Variants in TMEM132B observed in about 807,000 individuals in gnomAD.
The protein encoded by TMEM132B is transmembrane protein 132B.
In TMEM132B, 18 loss-of-function variants were observed where a neutral mutation model predicts 90.8. That is an observed-to-expected ratio of 0.20 (90% CI 0.14 to 0.29). The LOEUF is 0.29. Ranked by LOEUF, TMEM132B falls within the 10% of genes least tolerant of loss-of-function variation. The pLI, the probability that TMEM132B is intolerant of heterozygous loss-of-function variation, is 1.00. For missense variants in TMEM132B, 1,096 were observed against 1,326.8 expected (o/e 0.83, Z 2.70); for synonymous variants, 504 against 523.3 (o/e 0.96, Z 0.50).
At chr12:125,303,224 A>G (rs1875876191) in intron 1 of TMEM132B, among the ~76,000 whole-genome samples, 1 of 152,280 alleles carries the variant, frequency 6.6e-6, no homozygotes, top group Admixed American at 6.5e-5. Flanking sequence ...TAGATATTTC[A>G]TATGTAAGTG....
intron 3 of TMEM132B, among the ~76,000 whole-genome samples, chr12:125,425,731 C>G (rs1593139862): frequency 6.6e-6 from 1 of 152,180 alleles, no homozygotes; most frequent in East Asian, 1.9e-4. Flanking sequence ...GCTTCTTTCA[C>G]TTGGCAATAT....
chr12:125,489,325 T>C (rs1209403490), intron 3 of TMEM132B, among the ~76,000 whole-genome samples: 1 of 152,156 alleles, frequency 6.6e-6, no homozygotes, highest in Non-Finnish European at 1.5e-5. Flanking sequence ...AACTCACATA[T>C]AGCAAAAACC....
At chr12:125,203,311 T>C (rs1475137227) in intron 1 of TMEM132B, among the ~76,000 whole-genome samples, 2 of 152,160 alleles carry the variant, frequency 1.3e-5, no homozygotes, top group African/African-American at 4.8e-5. Context: ...GTTGGAAAGC[T>C]GAATGTCAAA....
intron 1 of TMEM132B, among the ~76,000 whole-genome samples, chr12:125,219,635 C>G (rs966755994): frequency 6.6e-6 from 1 of 152,220 alleles, no homozygotes; most frequent in African/African-American, 2.4e-5. Flanking sequence ...GGCTGCCCAT[C>G]TCCTTCCATC....
chr12:125,343,027 G>A (rs575206618), intron 1 of TMEM132B, among the ~76,000 whole-genome samples: 36 of 152,242 alleles, frequency 2.4e-4, no homozygotes, highest in African/African-American at 7.5e-4. Flanking sequence ...AAATGCTGAG[G>A]TGTGGAAGGG....
intron 1 of TMEM132B, among the ~76,000 whole-genome samples, chr12:125,194,277 G>C (rs573087043): frequency 5.5e-4 from 84 of 152,028 alleles, no homozygotes; most frequent in African/African-American, 1.8e-3. Flanking sequence ...TTGGTGGGGG[G>C]GTCTTACTCA....
intron 5 of TMEM132B, chr12:125,588,455 A>T (rs1885230763): frequency 6.6e-6 from 1 of 152,060 alleles, no homozygotes; most frequent in Admixed American, 6.6e-5. Context: ...TCAGCCTCCC[A>T]AGCAGCTGGG....
At position 125,404,275 on chromosome 12, in the gene TMEM132B, A is replaced by G. The variant is rs543584179; in HGVS notation, c.960-11256A>G. ...TTGGGCCCAAAGGATTGAGGGCTGG[A>G]TGTTCTCTAGAGCACCCCTTATGAA... is the stretch of plus-strand genomic sequence containing the variant. On this transcript the variant is annotated intron_variant, in intron 2 of 8. Coordinates refer to ENST00000682704, the MANE Select transcript of TMEM132B (RefSeq NM_001366854.1). Among the ~76,000 whole-genome samples the G allele has an allele frequency of 1.1e-4, 17 of 152,246 alleles. No homozygotes were observed. In the South Asian group the frequency reaches 3.3e-3, roughly 30 times the overall value.
intron 5 of TMEM132B, chr12:125,586,074 G>C (rs1259525984): frequency 6.6e-6 from 1 of 152,074 alleles, no homozygotes; most frequent in Non-Finnish European, 1.5e-5. Context: ...ATCATCCCAG[G>C]GACATCCTCA....
chr12:125,497,326 G>T (rs928520198), intron 3 of TMEM132B, among the ~76,000 whole-genome samples: 2 of 152,210 alleles, frequency 1.3e-5, no homozygotes, highest in Non-Finnish European at 1.5e-5. Flanking sequence ...ATAGCAATCT[G>T]GGATTTTCCT....
intron 1 of TMEM132B, among the ~76,000 whole-genome samples, chr12:125,343,209 G>A (rs1191681112): frequency 6.6e-6 from 1 of 152,182 alleles, no homozygotes; most frequent in African/African-American, 2.4e-5. Flanking sequence ...TATGTAAGGT[G>A]GTTTATAGGT....
chr12:125,200,991 A>G (rs1216381414), intron 1 of TMEM132B, among the ~76,000 whole-genome samples: 1 of 152,230 alleles, frequency 6.6e-6, no homozygotes, highest in East Asian at 1.9e-4. Flanking sequence ...ATGCCTCTGT[A>G]GCACTTAGCA....
chr12:125,646,342 C>T (rs901282571), intron 6 of TMEM132B, among the ~76,000 whole-genome samples: 6 of 152,180 alleles, frequency 3.9e-5, no homozygotes, highest in African/African-American at 1.4e-4. Flanking sequence ...AAACAGGGAC[C>T]TGATGATGTT....
intron 5 of TMEM132B, among the ~76,000 whole-genome samples, chr12:125,628,670 A>AT (rs777239013): frequency 1.3e-5 from 2 of 152,062 alleles, no homozygotes; most frequent in South Asian, 2.1e-4. Context: ...CCATTTGCCC[A>AT]TTTTTGCTTT....
chr12:125,350,058 C>T lies in TMEM132B; in HGVS notation c.674C>T (p.Thr225Met), dbSNP rs201217999. 5.0e-5 allele frequency: 81 copies of T among 1,614,198 alleles called. No individual in the cohort carries two copies. The highest frequency in any genetic ancestry group is 4.7e-4 in the Admixed American group (28 of 60,028). ...GGCACCACGATGGAGCTCTTCTTCA[C>T]GCTCTACCCAGCTGACAAGGCTGGC... ...LGGTTMELFF[T>M]LYPADKAGQC... The change falls in exon 2 of 9, where the codon ACG (threonine) becomes ATG (methionine). Residue 225 changes from threonine (T) to methionine (M), a missense_variant. Transcript: ENST00000682704.
chr12:125,259,324 C>A (rs373900952), intron 1 of TMEM132B, among the ~76,000 whole-genome samples: 4 of 152,204 alleles, frequency 2.6e-5, no homozygotes, highest in Admixed American at 1.3e-4. Context: ...CGATAAAATT[C>A]GTTGAATGAA....
intron 1 of TMEM132B, among the ~76,000 whole-genome samples, chr12:125,270,779 TG>T (rs374287383): frequency 0.069 from 582 of 8,432 alleles, 4 homozygotes; most frequent in African/African-American, 0.22. Flanking sequence ...AGAGACTCTG[TG>T]GGGGTTGGGG....
intron 1 of TMEM132B, among the ~76,000 whole-genome samples, chr12:125,306,684 C>G (rs1033590250): frequency 3.3e-5 from 5 of 152,224 alleles, no homozygotes; most frequent in African/African-American, 1.2e-4. Flanking sequence ...TGTTGCTTGC[C>G]TGGACCATTG....
chr12:125,201,191 T>C (rs1040360562), intron 1 of TMEM132B, among the ~76,000 whole-genome samples: 1 of 152,100 alleles, frequency 6.6e-6, no homozygotes, highest in African/African-American at 2.4e-5. Context: ...GGAAAAGTAT[T>C]GGGGGAGGAG....
Sources: allele counts gnomAD v4.1 joint callset (sites outside exome capture counted in the v4.1 genomes callset), GRCh38; gene constraint gnomAD v4.1.1; transcripts MANE v1.5; gene names NCBI Gene and HGNC (gene_info 2026-07-23, HGNC 2026-07-21).